The following CCSER1 variants were observed in gnomAD, a reference collection of about 807,000 sequenced individuals.
CCSER1 encodes the protein serine-rich coiled-coil domain-containing protein 1.
A neutral mutation model predicts 82.0 loss-of-function variants in CCSER1; 41 were observed. That is an observed-to-expected ratio of 0.50 (90% CI 0.39 to 0.65). The LOEUF (loss-of-function observed/expected upper bound fraction) is 0.65, where lower values mean the gene tolerates loss of function less well. Among genes scored for constraint, CCSER1 ranks in the 30% least tolerant of loss-of-function variants. The pLI is 0.00. For synonymous variants in CCSER1, 414 were observed against 383.9 expected, an observed-to-expected ratio of 1.08 and a Z score of -0.92; for missense variants, 1,119 against 1,064.2, an observed-to-expected ratio of 1.05 and a Z score of -0.72.
intron 9 of CCSER1, among the ~76,000 whole-genome samples, chr4:91,001,891 G>A (rs191470524): frequency 3.9e-5 from 6 of 152,130 alleles, no homozygotes; most frequent in East Asian, 1.9e-4. Flanking sequence ...GTTTTGATGC[G>A]TCTCCAGGAT....
intron 5 of CCSER1, among the ~76,000 whole-genome samples, chr4:90,561,317 A>ATTTATGGATCCATTCATTGG (rs1371512093): frequency 6.6e-6 from 1 of 152,240 alleles, no homozygotes; most frequent in East Asian, 1.9e-4. Flanking sequence ...GAAATAGCTT[A>ATTTATGGATCCATTCATTGG]TTTATGGATC....
chr4:91,150,092 T>C (rs936333333), intron 10 of CCSER1, among the ~76,000 whole-genome samples: 5 of 152,214 alleles, frequency 3.3e-5, no homozygotes, highest in African/African-American at 1.2e-4. Flanking sequence ...TTCATGATAT[T>C]GATTCTTCCT....
chr4:90,486,439 G>T (rs546635467), intron 5 of CCSER1, among the ~76,000 whole-genome samples: 71 of 152,282 alleles, frequency 4.7e-4, no homozygotes, highest in African/African-American at 1.5e-3. Flanking sequence ...TCACTTCAAA[G>T]TTGCTACTTG....
At chr4:90,840,150 A>C (rs1213894513) in intron 8 of CCSER1, among the ~76,000 whole-genome samples, 1 of 152,144 alleles carries the variant, frequency 6.6e-6, no homozygotes, top group African/African-American at 2.4e-5. Flanking sequence ...ATGAACATCA[A>C]CTATTTATTT....
chr4:90,282,035 A>G (rs758957718), intron 1 of CCSER1, among the ~76,000 whole-genome samples: 2 of 152,048 alleles, frequency 1.3e-5, no homozygotes. Context: ...GCATTCTGTT[A>G]TCAATAGCGC....
chr4:90,767,782 G>A (rs891964471), intron 7 of CCSER1, among the ~76,000 whole-genome samples: 2 of 151,920 alleles, frequency 1.3e-5, no homozygotes, highest in Non-Finnish European at 2.9e-5. Context: ...ATTCTCCCAC[G>A]TCAGCCTCCT....
intron 2 of CCSER1, among the ~76,000 whole-genome samples, chr4:90,311,415 G>T (rs751233466): frequency 2.6e-5 from 4 of 152,134 alleles, no homozygotes; most frequent in African/African-American, 9.6e-5. Flanking sequence ...CATTAATTTT[G>T]CTGATTTGAT....
chr4:90,687,758 C>T (rs2149213749), intron 6 of CCSER1, among the ~76,000 whole-genome samples: 1 of 152,064 alleles, frequency 6.6e-6, no homozygotes, highest in Admixed American at 6.6e-5. Context: ...GCTAGGTAGA[C>T]TGAAAGGAAG....
intron 5 of CCSER1, among the ~76,000 whole-genome samples, chr4:90,622,746 T>G (rs968746590): frequency 1.3e-5 from 2 of 152,108 alleles, no homozygotes; most frequent in South Asian, 4.1e-4. Flanking sequence ...TGTGTCTTTA[T>G]AGCAGCATGA....
intron 10 of CCSER1, among the ~76,000 whole-genome samples, chr4:91,372,159 T>A (rs554223691): frequency 1.3e-5 from 2 of 152,338 alleles, no homozygotes; most frequent in African/African-American, 2.4e-5. Context: ...TAATCATGCC[T>A]CTTTATATGC....
At chr4:91,252,674 A>T (rs1169089831) in intron 10 of CCSER1, among the ~76,000 whole-genome samples, 2 of 152,198 alleles carry the variant, frequency 1.3e-5, no homozygotes, top group Non-Finnish European at 2.9e-5. Context: ...TTGCCAACCA[A>T]AATGGATGTG....
chr4:91,066,787 C>A (rs917218815), intron 9 of CCSER1, among the ~76,000 whole-genome samples: 8 of 152,110 alleles, frequency 5.3e-5, no homozygotes, highest in African/African-American at 1.9e-4. Context: ...CATTCTATGT[C>A]TTTATATAAA....
chr4:90,195,070 A>G (rs1736345290), intron 1 of CCSER1, among the ~76,000 whole-genome samples: 1 of 152,132 alleles, frequency 6.6e-6, no homozygotes. Flanking sequence ...CATTCCTGTC[A>G]TATTTCAATA....
chr4:90,321,802 C>A (rs1006806841), intron 3 of CCSER1, among the ~76,000 whole-genome samples: 1 of 152,044 alleles, frequency 6.6e-6, no homozygotes, highest in African/African-American at 2.4e-5. Flanking sequence ...TGAGAAATGT[C>A]TCTTCAGATA....
chr4:90,879,299 T>G (rs1720841218), intron 8 of CCSER1, among the ~76,000 whole-genome samples: 1 of 152,136 alleles, frequency 6.6e-6, no homozygotes, highest in Non-Finnish European at 1.5e-5. Context: ...TATTTTGTCC[T>G]TCACCCCCTG....
At chr4:90,689,234 G>A (rs562416421) in intron 6 of CCSER1, among the ~76,000 whole-genome samples, 1 of 152,150 alleles carries the variant, frequency 6.6e-6, no homozygotes, top group African/African-American at 2.4e-5. Flanking sequence ...TCTGGAGAGG[G>A]GAAGCAGGAT....
chr4:91,378,073 T>C (rs1262837430), intron 10 of CCSER1, among the ~76,000 whole-genome samples: 1 of 152,226 alleles, frequency 6.6e-6, no homozygotes, highest in Non-Finnish European at 1.5e-5. Context: ...TGTGTGGTAT[T>C]ATTTCTGAGG....
intron 7 of CCSER1, among the ~76,000 whole-genome samples, chr4:90,796,529 G>T (rs1244721161): frequency 6.6e-6 from 1 of 150,518 alleles, no homozygotes; most frequent in Non-Finnish European, 1.5e-5. Context: ...TGCTAGCTTT[G>T]TGATTTGTTT....
chr4:90,425,308 G>A (rs1757372692), intron 4 of CCSER1, among the ~76,000 whole-genome samples: 1 of 147,584 alleles, frequency 6.8e-6, no homozygotes, highest in Non-Finnish European at 1.5e-5. Context: ...ATGCATGAAG[G>A]AGAGAGAGAG....
Sources: allele counts gnomAD v4.1 joint callset (sites outside exome capture counted in the v4.1 genomes callset), GRCh38; gene constraint gnomAD v4.1.1; transcripts MANE v1.5; gene names NCBI Gene and HGNC (gene_info 2026-07-23, HGNC 2026-07-21).